STARD8: variants seen among roughly 807,000 people sequenced by gnomAD.
The protein encoded by STARD8 is stAR-related lipid transfer protein 8.
A neutral mutation model predicts 69.4 loss-of-function variants in STARD8; 25 were observed. The ratio of observed to expected loss-of-function variants is 0.36; its 90% CI spans 0.26 to 0.50. The LOEUF (loss-of-function observed/expected upper bound fraction) is 0.50, where lower values mean the gene tolerates loss of function less well. STARD8 is among the 20% of genes least tolerant of loss of function. The pLI is 0.96. For synonymous variants in STARD8, 389 were observed against 374.6 expected, an observed-to-expected ratio of 1.04 and a Z score of -0.45; for missense variants, 921 against 932.5, an observed-to-expected ratio of 0.99 and a Z score of 0.16.
intron 2 of STARD8, among the ~76,000 whole-genome samples, chrX:68,685,826 G>A (rs1005648998): frequency 8.0e-5 from 9 of 112,694 alleles, no homozygotes; most frequent in Non-Finnish European, 1.1e-4. Flanking sequence ...CCAGCTGGTC[G>A]GTTGCTCAGG....
At chrX:68,710,657 T>A (rs2080042517) in intron 2 of STARD8, among the ~76,000 whole-genome samples, 1 of 112,224 alleles carries the variant, frequency 8.9e-6, no homozygotes, top group Non-Finnish European at 1.9e-5. Flanking sequence ...CCCTCTCCAT[T>A]AGCCATGAGT....
intron 1 of STARD8, among the ~76,000 whole-genome samples, chrX:68,662,537 C>A (rs1247752654): frequency 2.7e-5 from 3 of 111,806 alleles, no homozygotes; most frequent in African/African-American, 9.8e-5. Flanking sequence ...CTCTGTCTGG[C>A]ACTCTGCTCT....
intron 2 of STARD8, among the ~76,000 whole-genome samples, chrX:68,700,884 A>C (rs1171700605): frequency 8.9e-6 from 1 of 112,250 alleles, no homozygotes; most frequent in East Asian, 2.8e-4. Context: ...TCAGCTCTAA[A>C]ATGGAGATAT....
rs763384678 is a variant in STARD8, at chrX:68,722,481, T to C, written c.2634T>C (p.Pro878=). Residue 878 remains proline (P), a synonymous_variant, in exon 12 of 15, where the codon CCT becomes CCC. Transcript: ENST00000374599. ...CCTACAGCGCAGCTGAGCTCAGCCCTCCCGGCCCAGCCCTGGCTGAGCTGC... is the reference window on the plus strand; with the variant it reads ...CCTACAGCGCAGCTGAGCTCAGCCCCCCCGGCCCAGCCCTGGCTGAGCTGC... ...CSSYSAAELS[P]PGPALAELRQ... 61 of 1,208,771 alleles carry C rather than the reference T, an allele frequency of 5.0e-5. No homozygotes were observed. Among genetic ancestry groups the C allele is most frequent in the Non-Finnish European group, 6.7e-5 (60 of 894,785 alleles).
At chrX:68,719,203 C>A in intron 6 of STARD8, 22 bp from the exon 7 acceptor site, 1 of 1,162,308 alleles carries the variant, frequency 8.6e-7, no homozygotes, top group Non-Finnish European at 1.2e-6. Context: ...GCTTCTCCAC[C>A]CCTCTCACCG....
chrX:68,664,335 C>G (rs997258344), intron 1 of STARD8, among the ~76,000 whole-genome samples: 1 of 111,764 alleles, frequency 8.9e-6, no homozygotes, highest in African/African-American at 3.3e-5. Context: ...CAGATCTCCC[C>G]ACTTCCACCC....
intron 2 of STARD8, among the ~76,000 whole-genome samples, chrX:68,665,936 G>T (rs2079680846): frequency 8.9e-6 from 1 of 112,053 alleles, no homozygotes; most frequent in South Asian, 3.7e-4. Context: ...TTGGAATTTG[G>T]GGTTCAGTGT....
At chrX:68,698,827 C>T (rs766371336) in intron 2 of STARD8, among the ~76,000 whole-genome samples, 2 of 111,363 alleles carry the variant, frequency 1.8e-5, no homozygotes, top group East Asian at 5.7e-4. Flanking sequence ...GGGCAGTTGG[C>T]AGGCAGACTC....
chrX:68,707,253 A>AGG (rs2080014816), intron 2 of STARD8, among the ~76,000 whole-genome samples: 1 of 112,447 alleles, frequency 8.9e-6, no homozygotes, highest in Non-Finnish European at 1.9e-5. Context: ...CTTAAGGAGC[A>AGG]GGTCAGCTAA....
At chrX:68,721,787 G>A (rs750728098) in intron 10 of STARD8, 41 bp downstream of exon 10, 1 of 1,154,253 alleles carries the variant, frequency 8.7e-7, no homozygotes, top group Non-Finnish European at 1.2e-6. Context: ...GCTGGGTCCA[G>A]ACAATTTGGG....
chrX:68,692,826 G>C (rs866142480), intron 2 of STARD8, among the ~76,000 whole-genome samples: 1,744 of 112,688 alleles, frequency 0.015, 35 homozygotes, highest in African/African-American at 0.046. Context: ...CATGCTTAAA[G>C]TCTGCTCAGT....
chrX:68,716,675 A>T (rs1443407741), intron 5 of STARD8, among the ~76,000 whole-genome samples: 1 of 110,651 alleles, frequency 9.0e-6, no homozygotes, highest in African/African-American at 3.3e-5. Context: ...CAGGTGGGGC[A>T]GCCAAGTGAC....
chrX:68,693,444 C>G (rs1326696131), intron 2 of STARD8, among the ~76,000 whole-genome samples: 1 of 112,837 alleles, frequency 8.9e-6, no homozygotes, highest in Middle Eastern at 4.2e-3. Flanking sequence ...GGGCTTGCAC[C>G]TCCTCCCTGG....
rs1424516799 is a variant in STARD8, at chrX:68,723,772, G to A, written c.2946G>A (p.Pro982=). The part of the protein sequence containing the change: ...LRAQVLEALM[P]GVELYHYVTD... Reference sequence around the variant, plus strand: ...CCCAGGTGCTGGAAGCCCTGATGCCGGGTGTGGAGCTGTACCACTATGTCA... The same window carrying A: ...CCCAGGTGCTGGAAGCCCTGATGCCAGGTGTGGAGCTGTACCACTATGTCA... The change falls in exon 13 of 15, where the codon CCG becomes CCA. Residue 982 remains proline (P), a synonymous_variant. Transcript: ENST00000374599. The A allele has an allele frequency of 4.2e-6, 5 of 1,178,670 alleles. No individual in the cohort carries two copies. The highest frequency in any genetic ancestry group is 5.7e-6 in the Non-Finnish European group (5 of 879,325).
intron 1 of STARD8, among the ~76,000 whole-genome samples, chrX:68,657,764 C>G (rs2079619878): frequency 9.1e-6 from 1 of 109,429 alleles, no homozygotes; most frequent in South Asian, 4.0e-4. Flanking sequence ...AACCCTTGCC[C>G]CATCAGCACA....
intron 3 of STARD8, among the ~76,000 whole-genome samples, chrX:68,714,508 C>A (rs1203561878): frequency 8.9e-6 from 1 of 112,194 alleles, no homozygotes; most frequent in Non-Finnish European, 1.9e-5. Flanking sequence ...GCAGCCTCCA[C>A]CCCTACCAGC....
At position 68,723,788 on chromosome X, in the gene STARD8, C is replaced by T. The variant is rs1195698776; in HGVS notation, c.2962C>T (p.His988Tyr). Residue 988 changes from histidine to tyrosine, a missense_variant, in exon 13 of 15, where the codon CAC becomes TAC. Physicochemically the swap from His to Tyr is moderately conservative, Grantham distance 83. Coordinates refer to ENST00000374599, the MANE Select transcript of STARD8 (RefSeq NM_001142503.3). ...CCTGATGCCGGGTGTGGAGCTGTAC[C>T]ACTATGTCACCGACAGCATGGCACC... is the stretch of plus-strand genomic sequence containing the variant. ...EALMPGVELY[H>Y]YVTDSMAPHP... The T allele has an allele frequency of 4.2e-6, 5 of 1,178,923 alleles. No homozygotes were observed. In the African/African-American group the frequency reaches 8.9e-5, roughly 21 times the overall value.
Position 68,718,237 on chromosome X carries a change from C to G in STARD8, c.1323C>G (p.Leu441=). 1 of 1,211,714 alleles carries G rather than the reference C, an allele frequency of 8.3e-7. No individual in the cohort carries two copies. Among genetic ancestry groups the G allele is most frequent in the East Asian group, 3.0e-5 (1 of 33,813 alleles). ...TVEVKCQAEA[L]SQMEVPAHGE... is the part of the protein sequence containing the mutation. Reference sequence around the variant, plus strand: ...AGGTCAAATGCCAAGCTGAGGCTCTCAGCCAGATGGAGGTTCCGGCCCATG... The same window carrying G: ...AGGTCAAATGCCAAGCTGAGGCTCTGAGCCAGATGGAGGTTCCGGCCCATG... The change falls in exon 6 of 15, where the codon CTC becomes CTG. Residue 441 remains leucine (L), a synonymous_variant. Coordinates refer to ENST00000374599, the MANE Select transcript of STARD8 (RefSeq NM_001142503.3).
Position 68,665,529 on chromosome X carries a change from G to C in STARD8, c.76G>C (p.Ala26Pro), listed in dbSNP as rs865902374. ...CCCATTGCTGCAGGTGAAGAAGAAC[G>C]CTGGTAAGTACACGAGGTGGGCATT... is the stretch of plus-strand genomic sequence containing the variant. ...CFPLLQVKKN[A>P]EAEAKRACEW... Residue 26 changes from alanine to proline, a missense_variant, in exon 2 of 15, where the codon GCT (alanine) becomes CCT (proline). Physicochemically the swap from Ala to Pro is conservative, Grantham distance 27. Transcript: ENST00000374599. 8.3e-7 allele frequency: 1 copy of C among 1,208,449 alleles called. No individual in the cohort carries two copies.
Sources: gnomAD v4.1 joint callset for allele counts (sites outside exome capture counted in the v4.1 genomes callset) on GRCh38, gnomAD v4.1.1 for gene constraint, MANE v1.5 for transcripts, NCBI Gene and HGNC (gene_info 2026-07-23, HGNC 2026-07-21) for gene names.